CWC27: variants seen among roughly 807,000 people sequenced by gnomAD.
CWC27 encodes spliceosome-associated protein CWC27 homolog.
A neutral mutation model predicts 63.6 loss-of-function variants in CWC27; 47 were observed. That is an observed-to-expected ratio of 0.74 (90% CI 0.58 to 0.94). The LOEUF (loss-of-function observed/expected upper bound fraction) is 0.94. CWC27 is among the 40% of genes least tolerant of loss of function. The pLI is 0.00. For missense variants in CWC27, 495 were observed against 554.3 expected, an observed-to-expected ratio of 0.89 and a Z score of 1.07; for synonymous variants, 175 against 179.8, an observed-to-expected ratio of 0.97 and a Z score of 0.22.
chr5:64,826,788 G>C (rs1334257441), intron 10 of CWC27, among the ~76,000 whole-genome samples: 1 of 149,958 alleles, frequency 6.7e-6, no homozygotes. Flanking sequence ...ATAATACTTA[G>C]AAATCTTAGT....
chr5:64,962,806 T>C (rs1748941724), intron 11 of CWC27, among the ~76,000 whole-genome samples: 1 of 152,180 alleles, frequency 6.6e-6, no homozygotes, highest in South Asian at 2.1e-4. Flanking sequence ...TGGAGTGTGA[T>C]GGAGATGCAG....
chr5:64,910,812 G>A (rs145592783), intron 11 of CWC27, among the ~76,000 whole-genome samples: 138 of 152,298 alleles, frequency 9.1e-4, no homozygotes, highest in African/African-American at 3.2e-3. Context: ...TTGGAAAAGT[G>A]CAGTATTTGG....
intron 11 of CWC27, among the ~76,000 whole-genome samples, chr5:64,924,611 G>T (rs1748070585): frequency 6.6e-6 from 1 of 152,076 alleles, no homozygotes. Flanking sequence ...AAATCTAAAT[G>T]TGCACATCCT....
chr5:64,769,556 G>T (rs1486856110), intron 1 of CWC27, among the ~76,000 whole-genome samples: 1 of 152,102 alleles, frequency 6.6e-6, no homozygotes, highest in Non-Finnish European at 1.5e-5. Context: ...TTAATTGAAC[G>T]CCTGCGAGGC....
chr5:64,863,342 A>C (rs935649269), intron 10 of CWC27, among the ~76,000 whole-genome samples: 5 of 151,938 alleles, frequency 3.3e-5, no homozygotes, highest in African/African-American at 1.2e-4. Context: ...ATGTCTACTT[A>C]CCTCTCTTTT....
intron 7 of CWC27, among the ~76,000 whole-genome samples, chr5:64,799,314 A>G (rs1275508022): frequency 6.6e-6 from 1 of 152,166 alleles, no homozygotes; most frequent in East Asian, 1.9e-4. Flanking sequence ...TTGGCCAGGC[A>G]CAGTGGCTCA....
chr5:64,899,464 A>G lies in CWC27; in HGVS notation c.1042+13918A>G, dbSNP rs187142006. ...GAATAATCACATTATTTGTAAACTA[A>G]GGAAAAAAAGAATAACAATGAAAAA... On this transcript the variant is annotated intron_variant, in intron 11 of 13. Coordinates refer to ENST00000381070, the MANE Select transcript of CWC27 (RefSeq NM_005869.4). 4.9e-4 allele frequency among the ~76,000 whole-genome samples: 75 copies of G among 152,348 alleles called. No individual in the cohort carries two copies. In the East Asian group the frequency reaches 0.014, roughly 28 times the overall value.
At chr5:64,855,703 C>T (rs1746239126) in intron 10 of CWC27, among the ~76,000 whole-genome samples, 1 of 152,016 alleles carries the variant, frequency 6.6e-6, no homozygotes, top group South Asian at 2.1e-4. Context: ...TTCACAATAA[C>T]GTTTTGTTGA....
chr5:64,937,530 G>C (rs751378735), intron 11 of CWC27, among the ~76,000 whole-genome samples: 9 of 152,174 alleles, frequency 5.9e-5, no homozygotes, highest in Non-Finnish European at 1.0e-4. Flanking sequence ...GTAAATTTTA[G>C]AATAAGTGTG....
intron 13 of CWC27, among the ~76,000 whole-genome samples, chr5:65,012,751 A>T (rs185899233): frequency 6.6e-6 from 1 of 152,360 alleles, no homozygotes; most frequent in African/African-American, 2.4e-5. Flanking sequence ...GTTTGTCATT[A>T]GGAACCAGCT....
chr5:64,999,024 C>G (rs2112464346), intron 13 of CWC27, among the ~76,000 whole-genome samples: 1 of 151,802 alleles, frequency 6.6e-6, no homozygotes, highest in African/African-American at 2.4e-5. Context: ...CATCCCTGCT[C>G]TGCTAAACAT....
chr5:64,940,054 C>T (rs571934954), intron 11 of CWC27, among the ~76,000 whole-genome samples: 8 of 152,350 alleles, frequency 5.3e-5, no homozygotes, highest in East Asian at 1.9e-4. Context: ...TTGCTGGGCT[C>T]TGTGGGGGTG....
At chr5:64,955,630 C>G (rs181952946) in intron 11 of CWC27, among the ~76,000 whole-genome samples, 1 of 152,180 alleles carries the variant, frequency 6.6e-6, no homozygotes, top group Non-Finnish European at 1.5e-5. Flanking sequence ...GTTGGATGAG[C>G]TTTTCCCCTA....
chr5:64,849,703 T>TG (rs76406137), intron 10 of CWC27, among the ~76,000 whole-genome samples: 286 of 151,620 alleles, frequency 1.9e-3, no homozygotes, highest in African/African-American at 6.5e-3. Flanking sequence ...AGGGACCTGG[T>TG]GGGGGGGTGA....
intron 13 of CWC27, among the ~76,000 whole-genome samples, chr5:65,006,960 C>CAGAAAGAA (rs200204473): frequency 0.011 from 1,360 of 121,192 alleles, 11 homozygotes; most frequent in East Asian, 0.015. Flanking sequence ...TTTAAAAAGA[C>CAGAAAGAA]AGAAAGAAAG....
At chr5:64,806,309 A>G (rs546640210) in intron 10 of CWC27, among the ~76,000 whole-genome samples, 137 of 152,314 alleles carry the variant, frequency 9.0e-4, no homozygotes, top group African/African-American at 3.1e-3. Flanking sequence ...AGTACGTTAA[A>G]TACTTTTCTA....
chr5:64,829,977 C>CTTTT (rs146220063), intron 10 of CWC27, among the ~76,000 whole-genome samples: 1 of 117,992 alleles, frequency 8.5e-6, no homozygotes, highest in African/African-American at 3.2e-5. Flanking sequence ...ATGAACTCAT[C>CTTTT]TTTTTTTTTT....
At chr5:64,832,164 C>T (rs574374686) in intron 10 of CWC27, among the ~76,000 whole-genome samples, 73 of 151,954 alleles carry the variant, frequency 4.8e-4, no homozygotes, top group African/African-American at 1.8e-3. Context: ...ATCTTTTACC[C>T]ATGTGTGATT....
At chr5:64,842,106 A>G (rs762227487) in intron 10 of CWC27, among the ~76,000 whole-genome samples, 3 of 152,114 alleles carry the variant, frequency 2.0e-5, no homozygotes, top group Admixed American at 6.6e-5. Context: ...CATTTTGTCT[A>G]TTGCTGCTTT....
Sources: allele counts gnomAD v4.1 joint callset (sites outside exome capture counted in the v4.1 genomes callset), GRCh38; gene constraint gnomAD v4.1.1; transcripts MANE v1.5; gene names NCBI Gene and HGNC (gene_info 2026-07-23, HGNC 2026-07-21).